Variants in OTUD7A observed in about 807,000 individuals in gnomAD.
OTUD7A encodes the protein OTU domain-containing protein 7A.
A neutral mutation model predicts 65.7 loss-of-function variants in OTUD7A; 12 were observed. The ratio of observed to expected loss-of-function variants is 0.18; its 90% CI spans 0.12 to 0.30. The LOEUF (loss-of-function observed/expected upper bound fraction) is 0.30, where lower values mean the gene tolerates loss of function less well. Ranked by LOEUF, OTUD7A falls within the 10% of genes least tolerant of loss-of-function variation. The pLI is 1.00. For missense variants in OTUD7A, 1,148 were observed against 1,304.8 expected, an observed-to-expected ratio of 0.88 and a Z score of 1.85; for synonymous variants, 641 against 586.3, an observed-to-expected ratio of 1.09 and a Z score of -1.35.
intron 3 of OTUD7A, among the ~76,000 whole-genome samples, chr15:31,608,937 A>G (rs2085665): frequency 0.6 from 90,883 of 152,114 alleles, 29,153 homozygotes; most frequent in East Asian, 0.92. Flanking sequence ...CTGCAGAAGC[A>G]GGAAAGGGAA....
At chr15:31,786,147 A>C (rs1268903643) in intron 1 of OTUD7A, among the ~76,000 whole-genome samples, 2 of 152,104 alleles carry the variant, frequency 1.3e-5, no homozygotes, top group Non-Finnish European at 2.9e-5. Context: ...CACCAGCAAG[A>C]AGGGCCTCAC....
At chr15:31,802,137 G>GTA (rs1411006294) in intron 1 of OTUD7A, among the ~76,000 whole-genome samples, 1,443 of 131,778 alleles carry the variant, frequency 0.011, 23 homozygotes, top group African/African-American at 0.035. Context: ...GTGTGTGTGT[G>GTA]TGTGTATATA....
chr15:31,753,346 G>C (rs778155847), intron 1 of OTUD7A, among the ~76,000 whole-genome samples: 1 of 151,972 alleles, frequency 6.6e-6, no homozygotes. Flanking sequence ...GGTGGTGTTT[G>C]GTTACACGAG....
chr15:31,666,189 C>T (rs1045717008), intron 1 of OTUD7A, among the ~76,000 whole-genome samples: 7 of 151,898 alleles, frequency 4.6e-5, no homozygotes, highest in Non-Finnish European at 1.0e-4. Flanking sequence ...ATTAGGGAGG[C>T]TTTCTTCTTT....
At chr15:31,727,510 G>A (rs1000675607) in intron 1 of OTUD7A, among the ~76,000 whole-genome samples, 3 of 152,132 alleles carry the variant, frequency 2.0e-5, no homozygotes, top group African/African-American at 7.2e-5. Context: ...ATGTTGAAAT[G>A]TTGAGCATTT....
At chr15:31,818,381 T>G (rs1945182192) in intron 1 of OTUD7A, among the ~76,000 whole-genome samples, 1 of 152,188 alleles carries the variant, frequency 6.6e-6, no homozygotes, top group Admixed American at 6.5e-5. Context: ...TGCATCTCTC[T>G]TTATAGGGAG....
At chr15:31,533,896 T>C (rs1383448318) in intron 5 of OTUD7A, among the ~76,000 whole-genome samples, 1 of 152,194 alleles carries the variant, frequency 6.6e-6, no homozygotes, top group African/African-American at 2.4e-5. Flanking sequence ...TTATAAATGG[T>C]AGAGAATAAA....
At chr15:31,781,573 G>A (rs562489184) in intron 1 of OTUD7A, among the ~76,000 whole-genome samples, 1 of 152,286 alleles carries the variant, frequency 6.6e-6, no homozygotes, top group East Asian at 1.9e-4. Flanking sequence ...CAAAGGTAAT[G>A]CACACCCCAG....
At chr15:31,629,597 G>C (rs1056481394) in intron 3 of OTUD7A, among the ~76,000 whole-genome samples, 22 of 152,194 alleles carry the variant, frequency 1.4e-4, no homozygotes, top group African/African-American at 4.8e-4. Flanking sequence ...TCAGGATGAT[G>C]CTGGCCTCAT....
chr15:31,790,714 C>A (rs934526202), intron 1 of OTUD7A, among the ~76,000 whole-genome samples: 2 of 152,174 alleles, frequency 1.3e-5, no homozygotes, highest in Non-Finnish European at 2.9e-5. Context: ...GAAAATGCAG[C>A]CATCTCTTGT....
At chr15:31,857,624 G>C (rs943618977) in intron 1 of OTUD7A, among the ~76,000 whole-genome samples, 1 of 152,306 alleles carries the variant, frequency 6.6e-6, no homozygotes, top group Non-Finnish European at 1.5e-5. Flanking sequence ...CTCGATGTTA[G>C]GAAAATTGTG....
chr15:31,624,154 G>C (rs1163303204), intron 3 of OTUD7A, among the ~76,000 whole-genome samples: 1 of 152,208 alleles, frequency 6.6e-6, no homozygotes, highest in Non-Finnish European at 1.5e-5. Context: ...CAACAAGCAG[G>C]AACTGAGCAC....
At chr15:31,709,961 A>C (rs1254265358) in intron 1 of OTUD7A, among the ~76,000 whole-genome samples, 1 of 150,470 alleles carries the variant, frequency 6.6e-6, no homozygotes, top group Non-Finnish European at 1.5e-5. Flanking sequence ...CAAACAAAAC[A>C]AAATAAAACC....
At chr15:31,509,575 G>C (rs532519123) in intron 8 of OTUD7A, among the ~76,000 whole-genome samples, 4 of 152,164 alleles carry the variant, frequency 2.6e-5, no homozygotes, top group Non-Finnish European at 4.4e-5. Flanking sequence ...ACCACGCCCA[G>C]CCTTGTTTAA....
chr15:31,525,909 C>T (rs1019580205), intron 8 of OTUD7A, among the ~76,000 whole-genome samples: 1 of 152,252 alleles, frequency 6.6e-6, no homozygotes, highest in African/African-American at 2.4e-5. Context: ...AGGGCAACTT[C>T]TTGAAGCCAC....
chr15:31,528,525 G>A (rs1401881763), intron 6 of OTUD7A, among the ~76,000 whole-genome samples: 2 of 152,264 alleles, frequency 1.3e-5, no homozygotes, highest in African/African-American at 4.8e-5. Flanking sequence ...CAATAGCCCA[G>A]GCCTGCCACA....
At chr15:31,501,975 C>T (rs767987111) in intron 9 of OTUD7A, 136 bp from the exon 10 acceptor site, 12 of 999,148 alleles carry the variant, frequency 1.2e-5, no homozygotes, top group Admixed American at 5.6e-5. Flanking sequence ...TGGATGGAGG[C>T]GGTGCTGAGG....
intron 5 of OTUD7A, chr15:31,558,676 A>T (rs1888579991): frequency 2.2e-6 from 1 of 454,192 alleles, no homozygotes. Flanking sequence ...GGAAAGAGAG[A>T]AGCAAGGCAA....
chr15:31,569,384 T>C (rs1249345220), intron 4 of OTUD7A, among the ~76,000 whole-genome samples: 1 of 152,222 alleles, frequency 6.6e-6, no homozygotes. Context: ...AGAGATTATG[T>C]TCATCATCTC....
Sources: allele counts gnomAD v4.1 joint callset (sites outside exome capture counted in the v4.1 genomes callset), GRCh38; gene constraint gnomAD v4.1.1; transcripts MANE v1.5; gene names NCBI Gene and HGNC (gene_info 2026-07-23, HGNC 2026-07-21).